MAGI2: variants seen among roughly 807,000 people sequenced by gnomAD.
The protein encoded by MAGI2 is membrane associated guanylate kinase, WW and PDZ domain containing 2, also known as membrane-associated guanylate kinase, WW and PDZ domain-containing protein 2.
A neutral mutation model predicts 133.3 loss-of-function variants in MAGI2; 35 were observed. That is an observed-to-expected ratio of 0.26 (90% CI 0.20 to 0.35). The LOEUF is 0.35. Ranked by LOEUF, MAGI2 falls within the 10% of genes least tolerant of loss-of-function variation. The pLI is 1.00. For missense variants in MAGI2, 1,636 were observed against 1,863.4 expected, an observed-to-expected ratio of 0.88 and a Z score of 2.25; for synonymous variants, 729 against 710.6, an observed-to-expected ratio of 1.03 and a Z score of -0.41.
chr7:79,170,019 T>C (rs1825357861), intron 1 of MAGI2, among the ~76,000 whole-genome samples: 2 of 151,198 alleles, frequency 1.3e-5, no homozygotes, highest in South Asian at 2.1e-4. Flanking sequence ...GGAAGACAAA[T>C]AACTGAAATA....
chr7:78,977,799 A>G (rs751745247), intron 2 of MAGI2, among the ~76,000 whole-genome samples: 11 of 151,874 alleles, frequency 7.2e-5, no homozygotes, highest in Non-Finnish European at 1.5e-4. Flanking sequence ...TTGATAAAGG[A>G]TGTGTAACCA....
At chr7:79,344,047 A>G (rs1276298791) in intron 1 of MAGI2, among the ~76,000 whole-genome samples, 1 of 152,196 alleles carries the variant, frequency 6.6e-6, no homozygotes, top group Non-Finnish European at 1.5e-5. Context: ...TAGGTAAGGT[A>G]AGTAAGTGAG....
At chr7:78,320,858 G>C (rs1371777880) in intron 9 of MAGI2, among the ~76,000 whole-genome samples, 1 of 152,054 alleles carries the variant, frequency 6.6e-6, no homozygotes, top group Non-Finnish European at 1.5e-5. Context: ...TGACATGATG[G>C]TATATTTAGA....
At chr7:79,093,003 T>C (rs927159820) in intron 1 of MAGI2, among the ~76,000 whole-genome samples, 4 of 152,152 alleles carry the variant, frequency 2.6e-5, no homozygotes, top group Admixed American at 1.3e-4. Flanking sequence ...AAACTCATAG[T>C]TGGCAAAAGA....
intron 1 of MAGI2, among the ~76,000 whole-genome samples, chr7:79,268,107 CAG>C (rs1328506061): frequency 6.6e-6 from 1 of 152,100 alleles, no homozygotes; most frequent in Admixed American, 6.6e-5. Context: ...ACTTCAGAGA[CAG>C]AGGAGTTCTA....
At chr7:78,649,238 A>AAG (rs1175140286) in intron 2 of MAGI2, among the ~76,000 whole-genome samples, 5 of 96,670 alleles carry the variant, frequency 5.2e-5, no homozygotes, top group African/African-American at 1.6e-4. Flanking sequence ...AAAAAAAAGA[A>AAG]AAAAAAAGAA....
At chr7:78,387,422 C>T (rs7782154) in intron 6 of MAGI2, among the ~76,000 whole-genome samples, 45,277 of 152,002 alleles carry the variant, frequency 0.3, 7,402 homozygotes, top group Middle Eastern at 0.43. Flanking sequence ...TATTGTTTGG[C>T]AGCATCTTGG....
chr7:79,369,249 A>G (rs1247825682), intron 1 of MAGI2, among the ~76,000 whole-genome samples: 1 of 152,178 alleles, frequency 6.6e-6, no homozygotes, highest in Non-Finnish European at 1.5e-5. Flanking sequence ...TGTTTTTATA[A>G]GTATTTGGCA....
chr7:78,760,495 T>TG (rs1824399501), intron 2 of MAGI2, among the ~76,000 whole-genome samples: 1 of 151,804 alleles, frequency 6.6e-6, no homozygotes, highest in African/African-American at 2.4e-5. Context: ...CCCGAGTAGC[T>TG]GGGGTTACAG....
At chr7:79,042,543 A>T (rs1423848548) in intron 1 of MAGI2, among the ~76,000 whole-genome samples, 1 of 152,108 alleles carries the variant, frequency 6.6e-6, no homozygotes, top group African/African-American at 2.4e-5. Flanking sequence ...GTTACTATTT[A>T]TATACTAAAT....
At chr7:78,299,731 A>G (rs1367647444) in intron 9 of MAGI2, among the ~76,000 whole-genome samples, 1 of 152,084 alleles carries the variant, frequency 6.6e-6, no homozygotes, top group African/African-American at 2.4e-5. Flanking sequence ...TCCACTAGCT[A>G]TTCTTCCTGA....
At chr7:79,405,873 C>A (rs923784787) in intron 1 of MAGI2, among the ~76,000 whole-genome samples, 2 of 150,682 alleles carry the variant, frequency 1.3e-5, no homozygotes, top group African/African-American at 4.9e-5. Flanking sequence ...TCATATTCCC[C>A]TCTAGGGTGC....
intron 1 of MAGI2, among the ~76,000 whole-genome samples, chr7:79,072,863 C>A (rs900246873): frequency 1.3e-5 from 2 of 152,116 alleles, no homozygotes; most frequent in Non-Finnish European, 2.9e-5. Context: ...TTAGCAGCTG[C>A]CCTTGTAAAT....
chr7:78,823,140 C>T (rs1387112788), intron 2 of MAGI2, among the ~76,000 whole-genome samples: 2 of 152,108 alleles, frequency 1.3e-5, no homozygotes, highest in Non-Finnish European at 2.9e-5. Context: ...GGTTGTCTGT[C>T]AACTTAAAGG....
At chr7:78,124,863 T>G (rs1430732680) in intron 20 of MAGI2, among the ~76,000 whole-genome samples, 1 of 12,912 alleles carries the variant, frequency 7.7e-5, no homozygotes, top group Non-Finnish European at 1.7e-4. Flanking sequence ...GCTGCTGTCT[T>G]TTTTTTTTTT....
chr7:78,882,115 A>AAAAAAAAAAAAAAAAAAAAAG (rs1795918606), intron 2 of MAGI2, among the ~76,000 whole-genome samples: 11 of 93,722 alleles, frequency 1.2e-4, no homozygotes, highest in South Asian at 6.9e-4. Flanking sequence ...AAAAGAAAAG[A>AAAAAAAAAAAAAAAAAAAAAG]AAAACAAAAA....
chr7:79,018,275 G>A (rs1446032872), intron 1 of MAGI2, among the ~76,000 whole-genome samples: 1 of 152,036 alleles, frequency 6.6e-6, no homozygotes, highest in Non-Finnish European at 1.5e-5. Context: ...TTTCAGCCAA[G>A]AATTTCATAT....
chr7:78,187,224 C>T lies in MAGI2; in HGVS notation c.2270-1554G>A, dbSNP rs117046571. Among the ~76,000 whole-genome samples, 281 of 152,212 alleles carry T rather than the reference C, an allele frequency of 1.8e-3. 8 individuals are homozygous for T. In the East Asian group the frequency reaches 0.049, roughly 26 times the overall value. ...GATATTCTTGCAAGAACCACTCCTCCCACACATTTAGGCTTCAATATGTAA... is the reference window on the plus strand; with the variant it reads ...GATATTCTTGCAAGAACCACTCCTCTCACACATTTAGGCTTCAATATGTAA... On this transcript the variant is annotated intron_variant, in intron 12 of 21. Coordinates refer to ENST00000354212, the MANE Select transcript of MAGI2 (RefSeq NM_012301.4).
At chr7:79,332,308 T>C (rs1840142298) in intron 1 of MAGI2, among the ~76,000 whole-genome samples, 1 of 152,228 alleles carries the variant, frequency 6.6e-6, no homozygotes, top group African/African-American at 2.4e-5. Context: ...CCACTTTCCC[T>C]CCCTAGTGTT....
Sources: gnomAD v4.1 joint callset for allele counts (sites outside exome capture counted in the v4.1 genomes callset) on GRCh38, gnomAD v4.1.1 for gene constraint, MANE v1.5 for transcripts, NCBI Gene and HGNC (gene_info 2026-07-23, HGNC 2026-07-21) for gene names.